The following MPHOSPH9 variants were observed in gnomAD, a reference collection of about 807,000 sequenced individuals.
The protein encoded by MPHOSPH9 is M-phase phosphoprotein 9.
MPHOSPH9 carries 88 observed loss-of-function variants against 145.5 expected under a neutral mutation model. That is an observed-to-expected ratio of 0.60 (90% CI 0.51 to 0.72). The LOEUF is 0.72. Ranked by LOEUF, MPHOSPH9 falls within the 30% of genes least tolerant of loss-of-function variation. The probability of loss-of-function intolerance (pLI) is 0.00; values close to 1 mark genes in which losing one functional copy is unlikely to be tolerated. For synonymous variants in MPHOSPH9, 435 were observed against 486.2 expected (o/e 0.89, Z 1.39); for missense variants, 1,238 against 1,386.6 (o/e 0.89, Z 1.70).
chr12:123,210,297 G>A (rs1275439112), intron 7 of MPHOSPH9, 135 bp from the exon 8 acceptor site: 2 of 491,226 alleles, frequency 4.1e-6, no homozygotes, highest in South Asian at 3.9e-5. Flanking sequence ...GAATTTTGAT[G>A]GAAAAAAGTT....
intron 11 of MPHOSPH9, among the ~76,000 whole-genome samples, chr12:123,199,006 T>C (rs184208111): frequency 6.6e-6 from 1 of 151,802 alleles, no homozygotes; most frequent in Admixed American, 6.6e-5. Context: ...GGAGATTTAC[T>C]TTTTTCTTTC....
intron 5 of MPHOSPH9, among the ~76,000 whole-genome samples, chr12:123,220,826 C>T (rs2047166042): frequency 6.6e-6 from 1 of 151,928 alleles, no homozygotes. Flanking sequence ...GAGGCAGAGG[C>T]GGGCAGATCA....
chr12:123,219,940 C>T (rs536196330), intron 5 of MPHOSPH9, among the ~76,000 whole-genome samples: 2 of 152,034 alleles, frequency 1.3e-5, no homozygotes, highest in South Asian at 2.1e-4. Flanking sequence ...CCCAGCACTT[C>T]GGGAGGCCAA....
In MPHOSPH9 at chr12:123,223,122, C is replaced by T; in HGVS notation, c.264G>A (p.Arg88=). 7.1e-7 allele frequency: 1 copy of T among 1,406,224 alleles called. No individual in the cohort carries two copies. The highest frequency in any genetic ancestry group is 9.2e-7 in the Non-Finnish European group (1 of 1,086,508). The allele number at this position is 1,406,224 out of a possible 1,614,324, so 87.1% of individuals were successfully genotyped here. The part of the protein sequence containing the change: ...DSELWKNCET[R]WLQLFNLVEK... ...CCACCAAATTGAATAGCTGTAACCA[C>T]CTGGTCTATTAAATTATAAAATATT... The change falls in exon 4 of 24, where the codon AGG becomes AGA. Residue 88 remains arginine (R), a synonymous_variant. Coordinates refer to ENST00000606320, the MANE Select transcript of MPHOSPH9 (RefSeq NM_022782.4).
At chr12:123,200,492 G>A (rs2046172650) in intron 11 of MPHOSPH9, among the ~76,000 whole-genome samples, 1 of 151,896 alleles carries the variant, frequency 6.6e-6, no homozygotes, top group Non-Finnish European at 1.5e-5. Flanking sequence ...TTTGCTCATT[G>A]CCCTACACGC....
At chr12:123,209,658 C>T (rs1256733318) in intron 8 of MPHOSPH9, among the ~76,000 whole-genome samples, 1 of 151,998 alleles carries the variant, frequency 6.6e-6, no homozygotes, top group East Asian at 1.9e-4. Flanking sequence ...GGTCTGCCCA[C>T]TTCAGCTTCC....
chr12:123,186,194 T>C (rs1400694848), intron 13 of MPHOSPH9, among the ~76,000 whole-genome samples: 1 of 130,000 alleles, frequency 7.7e-6, no homozygotes, highest in African/African-American at 3.2e-5. Context: ...GCCATTGCAC[T>C]CCAGCCTGGG....
intron 15 of MPHOSPH9, among the ~76,000 whole-genome samples, chr12:123,177,465 G>A (rs2044929049): frequency 6.6e-6 from 1 of 152,108 alleles, no homozygotes; most frequent in Admixed American, 6.6e-5. Context: ...GAACCCGGGA[G>A]GCGGAGGTTG....
chr12:123,221,254 T>G, intron 5 of MPHOSPH9, 118 bp downstream of exon 5: 1 of 837,648 alleles, frequency 1.2e-6, no homozygotes, highest in Non-Finnish European at 1.8e-6. Context: ...ATTTCAATTT[T>G]CTACAGGCAA....
intron 7 of MPHOSPH9, among the ~76,000 whole-genome samples, chr12:123,210,479 C>A (rs1041413394): frequency 6.6e-6 from 1 of 151,878 alleles, no homozygotes. Flanking sequence ...GATTACCTAA[C>A]GTCAGGAGTT....
At chr12:123,190,981 A>C (rs2045651559) in intron 13 of MPHOSPH9, among the ~76,000 whole-genome samples, 2 of 152,140 alleles carry the variant, frequency 1.3e-5, no homozygotes, top group Admixed American at 6.6e-5. Context: ...TTGCTGCTTG[A>C]TTGCTGCTCA....
intron 16 of MPHOSPH9, among the ~76,000 whole-genome samples, chr12:123,169,969 C>T (rs962371354): frequency 5.3e-5 from 8 of 150,944 alleles, no homozygotes; most frequent in Admixed American, 4.6e-4. Flanking sequence ...TATTAATACA[C>T]ATTTTTAAAT....
intron 1 of MPHOSPH9, among the ~76,000 whole-genome samples, chr12:123,241,030 C>A (rs2047926696): frequency 6.7e-6 from 1 of 149,478 alleles, no homozygotes; most frequent in Non-Finnish European, 1.5e-5. Flanking sequence ...ATCCTTTAAC[C>A]TTTTCAGAGA....
chr12:123,224,546 C>T (rs1457912990), intron 3 of MPHOSPH9, among the ~76,000 whole-genome samples: 2 of 152,094 alleles, frequency 1.3e-5, no homozygotes, highest in Non-Finnish European at 2.9e-5. Flanking sequence ...GCTGGGATTA[C>T]AGGCCTAAGT....
intron 8 of MPHOSPH9, among the ~76,000 whole-genome samples, chr12:123,204,166 G>A (rs1438249129): frequency 1.3e-5 from 2 of 152,088 alleles, no homozygotes; most frequent in Non-Finnish European, 1.5e-5. Context: ...GCCAGGCATG[G>A]TGGCGCATGC....
chr12:123,181,390 A>G (rs916071652), intron 13 of MPHOSPH9, among the ~76,000 whole-genome samples, 180 bp from the exon 14 acceptor site: 3 of 152,114 alleles, frequency 2.0e-5, no homozygotes, highest in South Asian at 2.1e-4. Flanking sequence ...AATTTCTGGA[A>G]TGGTTTCTGT....
intron 13 of MPHOSPH9, among the ~76,000 whole-genome samples, chr12:123,193,018 G>C (rs2045759690): frequency 6.9e-6 from 1 of 144,230 alleles, no homozygotes; most frequent in Non-Finnish European, 1.5e-5. Flanking sequence ...TTTGTAGTGA[G>C]CCAAAATCAC....
At chr12:123,183,547 CAAAAAAAAAAAA>C (rs746928699) in intron 13 of MPHOSPH9, among the ~76,000 whole-genome samples, 10 of 59,988 alleles carry the variant, frequency 1.7e-4, no homozygotes, top group South Asian at 1.8e-3. Flanking sequence ...GACTCTGTCT[CAAAAAAAAAAAA>C]AAAAAAAAAA....
intron 22 of MPHOSPH9, 112 bp downstream of exon 22, chr12:123,161,024 A>G: frequency 1.4e-6 from 2 of 1,395,190 alleles, no homozygotes; most frequent in Non-Finnish European, 2.0e-6. Flanking sequence ...CAGCTCTGGT[A>G]TGTTATCCCA....
Sources: gnomAD v4.1 joint callset for allele counts (sites outside exome capture counted in the v4.1 genomes callset) on GRCh38, gnomAD v4.1.1 for gene constraint, MANE v1.5 for transcripts, NCBI Gene and HGNC (gene_info 2026-07-23, HGNC 2026-07-21) for gene names.